The following PLCH1 variants were observed in gnomAD, a reference collection of about 807,000 sequenced individuals.
PLCH1 encodes 1-phosphatidylinositol 4,5-bisphosphate phosphodiesterase eta-1.
Under a neutral mutation model 126.7 loss-of-function variants are expected in PLCH1, and 60 were observed. That is an observed-to-expected ratio of 0.47 (90% CI 0.38 to 0.59). The LOEUF is 0.59. Ranked by LOEUF, PLCH1 falls within the 20% of genes least tolerant of loss-of-function variation. PLCH1 has a pLI of 0.00. For missense variants in PLCH1, 1,723 were observed against 2,040.0 expected (o/e 0.84, Z 2.99); for synonymous variants, 719 against 734.9 (o/e 0.98, Z 0.35).
chr3:155,526,995 C>T (rs1447062058), intron 10 of PLCH1, among the ~76,000 whole-genome samples: 2 of 152,180 alleles, frequency 1.3e-5, no homozygotes, highest in Admixed American at 1.3e-4. Flanking sequence ...CTGTCATGGG[C>T]CCTAAAGGTA....
chr3:155,514,538 T>C (rs1228675326), intron 12 of PLCH1, among the ~76,000 whole-genome samples, 185 bp downstream of exon 12: 1 of 152,232 alleles, frequency 6.6e-6, no homozygotes, highest in Non-Finnish European at 1.5e-5. Context: ...GAGTCATTTC[T>C]ACCTCCACCC....
intron 2 of PLCH1, among the ~76,000 whole-genome samples, chr3:155,600,602 T>TAAACAAAAAAAAAAA (rs1733587155): frequency 7.8e-6 from 1 of 128,240 alleles, no homozygotes. Flanking sequence ...TTAAGATAGC[T>TAAACAAAAAAAAAAA]AAAAAAAAAA....
chr3:155,584,850 C>G (rs576969834), intron 5 of PLCH1, among the ~76,000 whole-genome samples: 5 of 152,100 alleles, frequency 3.3e-5, no homozygotes, highest in Admixed American at 6.6e-5. Flanking sequence ...TTTGTCCCCC[C>G]CCTTTAGGAT....
intron 8 of PLCH1, among the ~76,000 whole-genome samples, chr3:155,555,190 C>G (rs1407436925): frequency 6.6e-6 from 1 of 152,224 alleles, no homozygotes; most frequent in East Asian, 1.9e-4. Flanking sequence ...CTCTTGCGTG[C>G]TTACCTCCAA....
At chr3:155,459,493 T>C (rs1035321178) in intron 21 of PLCH1, among the ~76,000 whole-genome samples, 3 of 152,202 alleles carry the variant, frequency 2.0e-5, no homozygotes, top group African/African-American at 7.2e-5. Flanking sequence ...GAAGCCTGGA[T>C]TCACAATGTA....
intron 2 of PLCH1, among the ~76,000 whole-genome samples, chr3:155,682,406 ACT>A (rs1426097442): frequency 2.0e-5 from 3 of 152,188 alleles, no homozygotes; most frequent in African/African-American, 4.8e-5. Context: ...ATGGAATGCT[ACT>A]CTGAGTTCAT....
chr3:155,623,524 G>T (rs911443872), intron 2 of PLCH1, among the ~76,000 whole-genome samples: 2 of 151,970 alleles, frequency 1.3e-5, no homozygotes, highest in Admixed American at 1.3e-4. Context: ...GACTAATAAA[G>T]AAGAAAAGAA....
intron 22 of PLCH1, among the ~76,000 whole-genome samples, chr3:155,485,105 C>T (rs563827140): frequency 6.6e-6 from 1 of 152,276 alleles, no homozygotes; most frequent in South Asian, 2.1e-4. Flanking sequence ...TGTGCCATCA[C>T]ACCTAATGGC....
intron 2 of PLCH1, among the ~76,000 whole-genome samples, chr3:155,685,986 A>G (rs985827744): frequency 6.6e-6 from 1 of 152,146 alleles, no homozygotes; most frequent in Non-Finnish European, 1.5e-5. Flanking sequence ...AGTTGAAAAA[A>G]CATCTTTCAG....
chr3:155,466,369 G>A (rs564118336), intron 21 of PLCH1, among the ~76,000 whole-genome samples: 1 of 152,286 alleles, frequency 6.6e-6, no homozygotes, highest in South Asian at 2.1e-4. Flanking sequence ...GAATTCTCCT[G>A]GATCTTGTCC....
intron 10 of PLCH1, among the ~76,000 whole-genome samples, chr3:155,535,698 C>T (rs1024996126): frequency 6.6e-6 from 1 of 152,156 alleles, no homozygotes; most frequent in Non-Finnish European, 1.5e-5. Flanking sequence ...CTCTACCCAC[C>T]GTGGTAGCTG....
chr3:155,501,478 T>C (rs775814424), intron 13 of PLCH1, among the ~76,000 whole-genome samples: 5 of 152,126 alleles, frequency 3.3e-5, no homozygotes, highest in African/African-American at 7.2e-5. Context: ...TCCCAGTATT[T>C]AGGCAACACA....
chr3:155,621,147 C>G (rs529030954), intron 2 of PLCH1, among the ~76,000 whole-genome samples: 9 of 152,264 alleles, frequency 5.9e-5, no homozygotes, highest in South Asian at 4.2e-4. Flanking sequence ...CCAGCAAACT[C>G]CAGCAGACCT....
At chr3:155,670,816 C>T (rs1352191623) in intron 2 of PLCH1, among the ~76,000 whole-genome samples, 3 of 152,162 alleles carry the variant, frequency 2.0e-5, no homozygotes, top group Admixed American at 6.5e-5. Flanking sequence ...ATTAAAAACA[C>T]GGCTAACCAT....
chr3:155,477,823 T>C (rs1472343550), downstream of PLCH1, among the ~76,000 whole-genome samples: 2 of 152,126 alleles, frequency 1.3e-5, no homozygotes, highest in Non-Finnish European at 1.5e-5. Context: ...ATAACTACTA[T>C]GGAGAACAGT....
chr3:155,614,717 A>G (rs1210976025), intron 2 of PLCH1, among the ~76,000 whole-genome samples: 1 of 152,212 alleles, frequency 6.6e-6, no homozygotes, highest in Non-Finnish European at 1.5e-5. Context: ...GTGCTGGGAT[A>G]ATTGGCAAGC....
At chr3:155,666,625 T>C (rs1174061331) in intron 2 of PLCH1, among the ~76,000 whole-genome samples, 1 of 152,210 alleles carries the variant, frequency 6.6e-6, no homozygotes, top group African/African-American at 2.4e-5. Flanking sequence ...ATTAGCATTG[T>C]CAGAATTGAG....
chr3:155,740,406 CAA>C (rs60626575), intron 1 of PLCH1, among the ~76,000 whole-genome samples: 1,498 of 102,142 alleles, frequency 0.015, 7 homozygotes, highest in South Asian at 0.031. Flanking sequence ...GACTCTGTCT[CAA>C]AAAAAAAAAA....
At chr3:155,505,499 G>A (rs1718519610) in intron 12 of PLCH1, among the ~76,000 whole-genome samples, 1 of 152,194 alleles carries the variant, frequency 6.6e-6, no homozygotes, top group Non-Finnish European at 1.5e-5. Flanking sequence ...CCACATAAAT[G>A]GAATAAATGT....
Sources: gnomAD v4.1 joint callset for allele counts (sites outside exome capture counted in the v4.1 genomes callset) on GRCh38, gnomAD v4.1.1 for gene constraint, MANE v1.5 for transcripts, NCBI Gene and HGNC (gene_info 2026-07-23, HGNC 2026-07-21) for gene names.